NOVA1: variants seen among roughly 807,000 people sequenced by gnomAD.
NOVA1 encodes NOVA alternative splicing regulator 1, also known as RNA-binding protein Nova-1.
NOVA1 carries 7 observed loss-of-function variants against 38.0 expected under a neutral mutation model. The ratio of observed to expected loss-of-function variants is 0.18; its 90% CI spans 0.10 to 0.35. The LOEUF (loss-of-function observed/expected upper bound fraction) is 0.35. Ranked by LOEUF, NOVA1 falls within the 10% of genes least tolerant of loss-of-function variation. NOVA1 has a pLI of 1.00. For synonymous variants in NOVA1, 270 were observed against 232.5 expected (o/e 1.16, Z -1.47); for missense variants, 460 against 616.0 (o/e 0.75, Z 2.68).
intron 2 of NOVA1, among the ~76,000 whole-genome samples, chr14:26,586,552 A>C (rs1893524398): frequency 6.6e-6 from 1 of 151,250 alleles, no homozygotes; most frequent in Non-Finnish European, 1.5e-5. Flanking sequence ...TAATTCTTGA[A>C]AACAAAATTT....
At chr14:26,509,422 G>T (rs1887888441) in intron 2 of NOVA1, among the ~76,000 whole-genome samples, 1 of 152,212 alleles carries the variant, frequency 6.6e-6, no homozygotes. Flanking sequence ...AGATAAAATT[G>T]TCAAAAGTTA....
At chr14:26,449,004 TG>T in intron 4 of NOVA1, 41 bp from the exon 5 acceptor site, 2 of 1,528,016 alleles carry the variant, frequency 1.3e-6, no homozygotes, top group Non-Finnish European at 1.8e-6. Context: ...ACTTCTGTTT[TG>T]TGCATATACA....
chr14:26,443,991 T>C lies in NOVA1; in HGVS notation c.*3968A>G, dbSNP rs1313326165. On this transcript the variant is annotated 3_prime_UTR_variant, in exon 5 of 5. Transcript: ENST00000539517. ...CCTTCGAAAGCAAGAATTCCCTTCTTGGAGAAGACTTACAGTAAATAAAAT... is the reference window on the plus strand; with the variant it reads ...CCTTCGAAAGCAAGAATTCCCTTCTCGGAGAAGACTTACAGTAAATAAAAT... 2.0e-5 allele frequency: 3 copies of C among 152,076 alleles called. No individual in the cohort carries two copies. The highest frequency in any genetic ancestry group is 7.2e-5 in the African/African-American group (3 of 41,430). The allele number at this position is 152,076 out of a possible 1,614,324, so 9.4% of individuals were successfully genotyped here.
intron 3 of NOVA1, among the ~76,000 whole-genome samples, chr14:26,477,170 G>C (rs546612139): frequency 1.4e-3 from 217 of 152,260 alleles, no homozygotes; most frequent in African/African-American, 4.9e-3. Context: ...AAGGCATTTA[G>C]TAAATTCATA....
At chr14:26,544,752 T>C (rs1465292576) in intron 2 of NOVA1, among the ~76,000 whole-genome samples, 5 of 151,910 alleles carry the variant, frequency 3.3e-5, no homozygotes, top group South Asian at 4.2e-4. Context: ...GAAGCAAGAA[T>C]AGAGTAGAGA....
chr14:26,449,014 CATTAT>C (rs781498398), intron 4 of NOVA1, 51 bp from the exon 5 acceptor site: 4 of 1,460,790 alleles, frequency 2.7e-6, no homozygotes, highest in Admixed American at 2.2e-5. Context: ...TGTGCATATA[CATTAT>C]ATTACTTTGC....
intron 4 of NOVA1, among the ~76,000 whole-genome samples, chr14:26,458,786 G>A (rs1275186173): frequency 2.0e-5 from 3 of 151,838 alleles, no homozygotes; most frequent in Non-Finnish European, 4.4e-5. Context: ...CAAAAAACCT[G>A]TACACATACC....
chr14:26,505,554 G>A (rs1566486763), intron 2 of NOVA1, among the ~76,000 whole-genome samples: 1 of 152,114 alleles, frequency 6.6e-6, no homozygotes, highest in Non-Finnish European at 1.5e-5. Flanking sequence ...GTCTCAGGTA[G>A]TTGTTTATAG....
At chr14:26,546,918 C>G (rs1890824035) in intron 2 of NOVA1, among the ~76,000 whole-genome samples, 1 of 152,098 alleles carries the variant, frequency 6.6e-6, no homozygotes, top group African/African-American at 2.4e-5. Context: ...ACTCAGGAGG[C>G]TGAGGCAGGA....
intron 4 of NOVA1, among the ~76,000 whole-genome samples, chr14:26,467,000 A>G (rs1884196114): frequency 1.3e-5 from 2 of 152,206 alleles, no homozygotes; most frequent in Non-Finnish European, 2.9e-5. Flanking sequence ...CACAAAATGG[A>G]CCAAAATGGA....
In NOVA1 at chr14:26,476,766, G is replaced by T. The variant is rs879295006; in HGVS notation, c.447+3211C>A. Among the ~76,000 whole-genome samples the T allele has an allele frequency of 8.9e-5, 13 of 146,104 alleles. 1 individual carries two copies. The highest frequency in any genetic ancestry group is 1.5e-4 in the Non-Finnish European group (10 of 67,494). ...AGCTTCGCTCTTGTTGCCCAGGCTG[G>T]AGTACAATGGCGCGATCTTGGCTCA... On this transcript the variant is annotated intron_variant, in intron 3 of 4. Coordinates refer to ENST00000539517, the MANE Select transcript of NOVA1 (RefSeq NM_002515.3).
At chr14:26,530,148 G>C (rs1889601486) in intron 2 of NOVA1, among the ~76,000 whole-genome samples, 1 of 152,138 alleles carries the variant, frequency 6.6e-6, no homozygotes, top group South Asian at 2.1e-4. Flanking sequence ...TCGATCTCCT[G>C]ACCTCATGAT....
chr14:26,523,781 C>T (rs998044828), intron 2 of NOVA1, among the ~76,000 whole-genome samples: 9 of 133,708 alleles, frequency 6.7e-5, no homozygotes, highest in Non-Finnish European at 9.2e-5. Context: ...GACGGACTCT[C>T]GCTCTGTCGC....
chr14:26,595,313 T>C, intron 2 of NOVA1, 97 bp downstream of exon 2: 1 of 1,197,604 alleles, frequency 8.4e-7, no homozygotes. Context: ...AAGTCTCCAG[T>C]ATTGTTTAAA....
At chr14:26,583,697 T>G (rs1038520111) in intron 2 of NOVA1, among the ~76,000 whole-genome samples, 1 of 151,506 alleles carries the variant, frequency 6.6e-6, no homozygotes, top group Non-Finnish European at 1.5e-5. Flanking sequence ...TTAAGATTGA[T>G]TCTTATGTGA....
At chr14:26,539,636 G>T (rs1282449231) in intron 2 of NOVA1, among the ~76,000 whole-genome samples, 1 of 151,920 alleles carries the variant, frequency 6.6e-6, no homozygotes, top group East Asian at 1.9e-4. Context: ...AAGAAAACAG[G>T]ATTATATTAA....
At chr14:26,492,467 T>C (rs1886418032) in intron 2 of NOVA1, among the ~76,000 whole-genome samples, 2 of 152,206 alleles carry the variant, frequency 1.3e-5, no homozygotes, top group African/African-American at 2.4e-5. Flanking sequence ...GTCTTCACTA[T>C]TGAGTGTGAT....
intron 2 of NOVA1, among the ~76,000 whole-genome samples, chr14:26,501,002 T>C (rs1887208327): frequency 1.3e-5 from 2 of 151,990 alleles, no homozygotes. Context: ...AATAAACATA[T>C]TTAGTTTTTT....
chr14:26,580,083 CA>C (rs994996309), intron 2 of NOVA1, among the ~76,000 whole-genome samples: 70 of 138,598 alleles, frequency 5.1e-4, no homozygotes, highest in African/African-American at 5.6e-4. Context: ...TTACTAACAG[CA>C]AAAAAAAAAG....
Sources: gnomAD v4.1 joint callset for allele counts (sites outside exome capture counted in the v4.1 genomes callset) on GRCh38, gnomAD v4.1.1 for gene constraint, MANE v1.5 for transcripts, NCBI Gene and HGNC (gene_info 2026-07-23, HGNC 2026-07-21) for gene names.